The following PCGF5 variants were observed in gnomAD, a reference collection of about 807,000 sequenced individuals.
The protein encoded by PCGF5 is polycomb group ring finger 5.
A neutral mutation model predicts 44.3 loss-of-function variants in PCGF5; 9 were observed. That is an observed-to-expected ratio of 0.20 (90% CI 0.12 to 0.35). PCGF5 has a LOEUF of 0.35. Ranked by LOEUF, PCGF5 falls within the 10% of genes least tolerant of loss-of-function variation. The pLI is 1.00. For missense variants in PCGF5, 146 were observed against 305.3 expected (o/e 0.48, Z 3.89); for synonymous variants, 95 against 102.5 (o/e 0.93, Z 0.44).
intron 1 of PCGF5, among the ~76,000 whole-genome samples, chr10:91,203,335 G>A (rs549688178): frequency 3.3e-5 from 5 of 149,264 alleles, no homozygotes; most frequent in South Asian, 2.1e-4. Context: ...AATTCTCTAG[G>A]AAAGTGTTCC....
intron 1 of PCGF5, among the ~76,000 whole-genome samples, chr10:91,202,490 G>A (rs1344445803): frequency 6.6e-6 from 1 of 152,196 alleles, no homozygotes; most frequent in Admixed American, 6.5e-5. Flanking sequence ...GGATTAAATA[G>A]GATAAATTTG....
intron 7 of PCGF5, among the ~76,000 whole-genome samples, chr10:91,264,074 C>G (rs1024030981): frequency 1.3e-5 from 2 of 152,100 alleles, no homozygotes; most frequent in Non-Finnish European, 2.9e-5. Flanking sequence ...GAGGTTTCTG[C>G]AGGTTCTTGT....
upstream of PCGF5, among the ~76,000 whole-genome samples, chr10:91,215,282 A>G (rs1844521211): frequency 6.6e-6 from 1 of 152,250 alleles, no homozygotes; most frequent in South Asian, 2.1e-4. Context: ...ATGATCTGGT[A>G]TCAAAGCCTC....
chr10:91,257,260 C>A (rs1374412196), intron 6 of PCGF5, among the ~76,000 whole-genome samples: 1 of 152,042 alleles, frequency 6.6e-6, no homozygotes, highest in South Asian at 2.1e-4. Context: ...AATGAGATAT[C>A]ATTTTATACC....
upstream of PCGF5, among the ~76,000 whole-genome samples, chr10:91,218,436 A>G (rs1414147373): frequency 4.6e-5 from 7 of 151,880 alleles, no homozygotes; most frequent in Non-Finnish European, 8.8e-5. Context: ...AGCTTCCGTC[A>G]TTTGTCCTCT....
At chr10:91,174,955 G>A (rs1251454693) in intron 1 of PCGF5, among the ~76,000 whole-genome samples, 1 of 152,222 alleles carries the variant, frequency 6.6e-6, no homozygotes, top group Admixed American at 6.5e-5. Flanking sequence ...AAATAGACCT[G>A]TGGCAACTGC....
intron 2 of PCGF5, among the ~76,000 whole-genome samples, chr10:91,233,529 C>T (rs28459398): frequency 0.13 from 19,859 of 151,994 alleles, 2,438 homozygotes; most frequent in African/African-American, 0.32. Context: ...TGCCAATATA[C>T]GGCACATTAT....
intron 1 of PCGF5, among the ~76,000 whole-genome samples, chr10:91,209,356 C>A (rs956332848): frequency 1.3e-5 from 2 of 152,094 alleles, no homozygotes; most frequent in African/African-American, 4.8e-5. Context: ...ACCTGTAATC[C>A]CAGAACTTTT....
chr10:91,172,526 A>G (rs1843628386), intron 1 of PCGF5, among the ~76,000 whole-genome samples: 1 of 152,224 alleles, frequency 6.6e-6, no homozygotes, highest in Non-Finnish European at 1.5e-5. Flanking sequence ...CATGACTGTC[A>G]TACACCAACC....
chr10:91,267,103 C>T (rs952425360), intron 8 of PCGF5, among the ~76,000 whole-genome samples: 1 of 152,162 alleles, frequency 6.6e-6, no homozygotes, highest in Non-Finnish European at 1.5e-5. Context: ...TCTGTCTCCT[C>T]GTTTATTCTG....
At chr10:91,163,852 C>A (rs1843443317) in intron 1 of PCGF5, among the ~76,000 whole-genome samples, 1 of 151,640 alleles carries the variant, frequency 6.6e-6, no homozygotes, top group Admixed American at 6.6e-5. Flanking sequence ...GGTGGGGGGG[C>A]ACGGACGGAC....
chr10:91,168,496 C>A (rs1016268550), intron 1 of PCGF5, among the ~76,000 whole-genome samples: 1 of 152,084 alleles, frequency 6.6e-6, no homozygotes, highest in East Asian at 1.9e-4. Context: ...GACAAGTCCG[C>A]TAGTTACCTG....
upstream of PCGF5, chr10:91,220,121 A>G (rs1223160712): frequency 5.3e-5 from 8 of 149,736 alleles, no homozygotes; most frequent in Admixed American, 4.6e-4. Flanking sequence ...ATGCTTCTTT[A>G]CCACTCACCC....
At chr10:91,265,872 C>T (rs1846039834) in intron 8 of PCGF5, among the ~76,000 whole-genome samples, 1 of 152,310 alleles carries the variant, frequency 6.6e-6, no homozygotes, top group African/African-American at 2.4e-5. Context: ...GAAAAAATTA[C>T]ATTCTAACAC....
At chr10:91,159,017 C>T (rs1843349547), upstream of PCGF5, among the ~76,000 whole-genome samples, 1 of 152,130 alleles carries the variant, frequency 6.6e-6, no homozygotes, top group Non-Finnish European at 1.5e-5. Context: ...CCAGGGCTAG[C>T]AGAAGCAGGA....
intron 1 of PCGF5, among the ~76,000 whole-genome samples, chr10:91,181,691 A>G (rs2133193108): frequency 6.6e-6 from 1 of 152,302 alleles, no homozygotes; most frequent in South Asian, 2.1e-4. Context: ...TGTATGTTGA[A>G]CCAACCTTGC....
At chr10:91,273,246 C>T (rs955694445) in intron 9 of PCGF5, among the ~76,000 whole-genome samples, 3 of 152,026 alleles carry the variant, frequency 2.0e-5, no homozygotes, top group African/African-American at 7.2e-5. Flanking sequence ...TGTGTATATC[C>T]GAGGTGTATA....
At chr10:91,223,425 A>C (rs1466779812) in intron 2 of PCGF5, among the ~76,000 whole-genome samples, 1 of 152,184 alleles carries the variant, frequency 6.6e-6, no homozygotes, top group African/African-American at 2.4e-5. Context: ...GCAGATTATC[A>C]GGCCCTACCC....
At chr10:91,263,160 A>C (rs1042103325) in intron 7 of PCGF5, among the ~76,000 whole-genome samples, 2 of 152,178 alleles carry the variant, frequency 1.3e-5, no homozygotes, top group African/African-American at 4.8e-5. Flanking sequence ...TATTTAATGA[A>C]ATACCTGACA....
Sources: allele counts gnomAD v4.1 joint callset (sites outside exome capture counted in the v4.1 genomes callset), GRCh38; gene constraint gnomAD v4.1.1; transcripts MANE v1.5; gene names NCBI Gene and HGNC (gene_info 2026-07-23, HGNC 2026-07-21).